AP3B1: variants seen among roughly 807,000 people sequenced by gnomAD.
AP3B1 encodes the protein adaptor related protein complex 3 subunit beta 1.
In AP3B1, 61 loss-of-function variants were observed where a neutral mutation model predicts 132.5. The ratio of observed to expected loss-of-function variants is 0.46; its 90% CI spans 0.37 to 0.57. The LOEUF is 0.57. Among genes scored for constraint, AP3B1 ranks in the 20% least tolerant of loss-of-function variants. The pLI is 0.00. For synonymous variants in AP3B1, 388 were observed against 438.3 expected (o/e 0.89, Z 1.43); for missense variants, 1,120 against 1,289.4 (o/e 0.87, Z 2.01).
intron 23 of AP3B1, among the ~76,000 whole-genome samples, chr5:78,038,510 G>A (rs1747903715): frequency 6.6e-6 from 1 of 152,178 alleles, no homozygotes; most frequent in South Asian, 2.1e-4. Context: ...TTATGAATTT[G>A]TGTTAGGCTG....
chr5:78,202,611 T>C (rs1338571822), intron 7 of AP3B1, among the ~76,000 whole-genome samples: 1 of 147,118 alleles, frequency 6.8e-6, no homozygotes, highest in Non-Finnish European at 1.5e-5. Flanking sequence ...AGGAGTATGG[T>C]AATACCTCAA....
rs762338812 is a variant in AP3B1, at chr5:78,198,784, A to G, written c.787-17122T>C. The stretch of plus-strand genomic sequence containing the variant: ...GACCAGGGTGGGTAGGTGGTAACTA[A>G]TATAATAATCACTCAGTCAAATTAG... On this transcript the variant is annotated intron_variant, in intron 7 of 26. Coordinates refer to ENST00000255194, the MANE Select transcript of AP3B1 (RefSeq NM_003664.5). Among the ~76,000 whole-genome samples, 9 of 152,338 alleles carry G rather than the reference A, an allele frequency of 5.9e-5. No individual in the cohort carries two copies. In the South Asian group the frequency reaches 8.3e-4, roughly 14 times the overall value.
At chr5:78,077,590 T>C (rs947721372) in intron 22 of AP3B1, among the ~76,000 whole-genome samples, 3 of 152,236 alleles carry the variant, frequency 2.0e-5, no homozygotes, top group Non-Finnish European at 4.4e-5. Context: ...GTTACACATG[T>C]TATACTTAAA....
In AP3B1 at chr5:78,193,770, A is replaced by ATATATATATATTTTTTT; in HGVS notation, c.787-12109_787-12108insAAAAAAATATATATATA. Reference sequence around the variant, plus strand: ...TATATATATATATATATATATATATATTTTTTTTTTAGACAGAGTCTCGCT... The same window carrying ATATATATATATTTTTTT: ...TATATATATATATATATATATATATATATATATATATTTTTTTTTTTTTTTTTAGACAGAGTCTCGCT... On this transcript the variant is annotated intron_variant, in intron 7 of 26. Transcript: ENST00000255194. Among the ~76,000 whole-genome samples, 126 of 67,122 alleles carry ATATATATATATTTTTTT rather than the reference A, an allele frequency of 1.9e-3. 1 individual carries two copies. The highest frequency in any genetic ancestry group is 2.6e-3 in the Admixed American group (15 of 5,686). The allele number at this position is 67,122 out of a possible 152,430, so 44.0% of individuals were successfully genotyped here.
At chr5:78,006,728 A>T (rs576288491) in intron 26 of AP3B1, among the ~76,000 whole-genome samples, 1 of 152,330 alleles carries the variant, frequency 6.6e-6, no homozygotes, top group East Asian at 1.9e-4. Context: ...ATGTTATTAA[A>T]AGGACACCAT....
At chr5:78,229,137 G>A (rs974590915) in intron 3 of AP3B1, among the ~76,000 whole-genome samples, 3 of 151,732 alleles carry the variant, frequency 2.0e-5, no homozygotes, top group Non-Finnish European at 2.9e-5. Context: ...TTCCTATGTT[G>A]CCTACCCAGG....
chr5:78,278,221 TGA>T (rs752595724), intron 1 of AP3B1, among the ~76,000 whole-genome samples: 3 of 152,218 alleles, frequency 2.0e-5, no homozygotes, highest in Non-Finnish European at 2.9e-5. Flanking sequence ...AGTGGCTCTA[TGA>T]GATTTCCTGT....
intron 14 of AP3B1, among the ~76,000 whole-genome samples, chr5:78,147,372 G>GC (rs1168327812): frequency 6.6e-6 from 1 of 151,886 alleles, no homozygotes; most frequent in East Asian, 1.9e-4. Flanking sequence ...TGATTAAGGT[G>GC]CTTTAACTAT....
At chr5:78,283,420 A>G (rs959384558) in intron 1 of AP3B1, among the ~76,000 whole-genome samples, 3 of 152,084 alleles carry the variant, frequency 2.0e-5, no homozygotes, top group Admixed American at 2.0e-4. Flanking sequence ...TGTACAATCA[A>G]CTTTCATGGT....
intron 1 of AP3B1, among the ~76,000 whole-genome samples, chr5:78,290,280 TCTCA>T (rs1749456543): frequency 6.6e-6 from 1 of 152,246 alleles, no homozygotes; most frequent in Admixed American, 6.5e-5. Flanking sequence ...AGAGACAAGG[TCTCA>T]CTATGTTGCC....
Position 78,228,223 on chromosome 5 carries a change from T to G in AP3B1, c.296A>C (p.Tyr99Ser). The G allele has an allele frequency of 1.2e-6, 2 of 1,608,840 alleles. No homozygotes were observed. The highest frequency in any genetic ancestry group is 1.7e-6 in the Non-Finnish European group (2 of 1,178,192). Residue 99 changes from tyrosine (Y) to serine (S), a missense_variant, in exon 4 of 27, where the codon TAT (tyrosine) becomes TCT (serine). Tyr to Ser is a moderately radical substitution (Grantham distance 144). This residue lies in a region of AP3B1 where 129 missense variants were observed against 212.4 expected (regional missense o/e 0.61). Transcript: ENST00000255194. Reference protein sequence around the residue: ...SKNIEIKKLVYVYLVRYAEEQ... With the variant: ...SKNIEIKKLVSVYLVRYAEEQ... ...TTCAGCATATCGAACCAGGTAAACA[T>G]ATACCAACTTCTTGATCTGTTAAAA...
At chr5:78,186,887 T>C (rs1414369019) in intron 7 of AP3B1, among the ~76,000 whole-genome samples, 1 of 152,188 alleles carries the variant, frequency 6.6e-6, no homozygotes, top group Non-Finnish European at 1.5e-5. Flanking sequence ...TCATCAAAAG[T>C]ACAACTTTTA....
intron 1 of AP3B1, among the ~76,000 whole-genome samples, chr5:78,288,884 G>A (rs1259089359): frequency 6.7e-6 from 1 of 148,882 alleles, no homozygotes; most frequent in Non-Finnish European, 1.5e-5. Context: ...GAAATACTAG[G>A]ATAAGCAAAA....
chr5:78,227,255 G>A (rs918621796), intron 5 of AP3B1, 117 bp downstream of exon 5: 4 of 979,868 alleles, frequency 4.1e-6, no homozygotes, highest in Non-Finnish European at 6.3e-6. Flanking sequence ...TACAGTCACT[G>A]GATTTACTTA....
chr5:78,273,979 C>T (rs575183279), intron 1 of AP3B1, among the ~76,000 whole-genome samples: 32 of 137,750 alleles, frequency 2.3e-4, no homozygotes, highest in East Asian at 2.1e-4. Context: ...TCAAAACTTA[C>T]GAGACATACT....
At chr5:78,159,189 A>T (rs942004037) in intron 13 of AP3B1, among the ~76,000 whole-genome samples, 5 of 152,240 alleles carry the variant, frequency 3.3e-5, no homozygotes, top group African/African-American at 1.2e-4. Context: ...TTATATTTTT[A>T]AAATACATTA....
intron 22 of AP3B1, among the ~76,000 whole-genome samples, chr5:78,057,268 A>G (rs1469558502): frequency 6.6e-6 from 1 of 151,974 alleles, no homozygotes; most frequent in Non-Finnish European, 1.5e-5. Flanking sequence ...TTATTAATCT[A>G]TTTCTTCCCA....
At chr5:78,114,070 C>T in intron 18 of AP3B1, 147 bp from the exon 19 acceptor site, 1 of 893,656 alleles carries the variant, frequency 1.1e-6, no homozygotes, top group African/African-American at 1.7e-5. Context: ...TATTCCCACA[C>T]CCCATTCTTT....
intron 2 of AP3B1, among the ~76,000 whole-genome samples, chr5:78,257,798 C>A (rs1315285986): frequency 6.6e-6 from 1 of 152,080 alleles, no homozygotes; most frequent in Admixed American, 6.6e-5. Flanking sequence ...AACCAAACAG[C>A]ATGTACTGGC....
Sources: gnomAD v4.1 joint callset for allele counts (sites outside exome capture counted in the v4.1 genomes callset) on GRCh38, gnomAD v4.1.1 for gene constraint, gnomAD v4.1.1 regional missense constraint, MANE v1.5 for transcripts, NCBI Gene and HGNC (gene_info 2026-07-23, HGNC 2026-07-21) for gene names.